The following XIRP2 variants were observed in gnomAD, a reference collection of about 807,000 sequenced individuals.
XIRP2 encodes the protein xin actin-binding repeat-containing protein 2.
Under a neutral mutation model 277.0 loss-of-function variants are expected in XIRP2, and 236 were observed. That is an observed-to-expected ratio of 0.85 (90% CI 0.77 to 0.95). XIRP2 has a LOEUF of 0.95. XIRP2 is among the 40% of genes least tolerant of loss of function. The pLI, the probability that XIRP2 is intolerant of heterozygous loss-of-function variation, is 0.00. For missense variants in XIRP2, 4,640 were observed against 4,157.5 expected (o/e 1.12, Z -3.19); for synonymous variants, 1,490 against 1,416.5 (o/e 1.05, Z -1.17).
chr2:166,940,097 A>AT (rs1294008167), intron 2 of XIRP2, among the ~76,000 whole-genome samples: 2 of 151,896 alleles, frequency 1.3e-5, no homozygotes, highest in East Asian at 1.9e-4. Flanking sequence ...TCAGACTTAG[A>AT]TTTTTTCTTT....
chr2:166,986,176 T>C (rs1333900523), intron 2 of XIRP2, among the ~76,000 whole-genome samples: 1 of 152,214 alleles, frequency 6.6e-6, no homozygotes, highest in Non-Finnish European at 1.5e-5. Flanking sequence ...TGGCACATTC[T>C]GGAATGGTTA....
intron 2 of XIRP2, among the ~76,000 whole-genome samples, chr2:166,966,208 T>A (rs1417993476): frequency 6.6e-6 from 1 of 151,832 alleles, no homozygotes; most frequent in East Asian, 1.9e-4. Context: ...AACACTTTTT[T>A]AAAAACTTAA....
chr2:167,072,468 C>T (rs1689460580), intron 2 of XIRP2, among the ~76,000 whole-genome samples: 1 of 152,170 alleles, frequency 6.6e-6, no homozygotes, highest in African/African-American at 2.4e-5. Context: ...GGTCAAACCC[C>T]TTGATCCGCT....
intron 3 of XIRP2, among the ~76,000 whole-genome samples, chr2:167,182,142 C>T (rs538258641): frequency 6.6e-6 from 1 of 152,190 alleles, no homozygotes; most frequent in South Asian, 2.1e-4. Context: ...AATTTAACTG[C>T]AATTCAATTA....
At chr2:166,972,635 A>T (rs1309684278) in intron 2 of XIRP2, among the ~76,000 whole-genome samples, 1 of 152,184 alleles carries the variant, frequency 6.6e-6, no homozygotes, top group African/African-American at 2.4e-5. Context: ...AGTAAAATGG[A>T]GGCTCTGGTA....
chr2:167,250,709 A>AT lies in XIRP2; in HGVS notation c.9318dup (p.Ser3107Ter). ...ACCCATCAGGAAATTAAACTTGATG[A>AT]TAGCAACATTCCTCCTCCCTCTTTA... On this transcript the variant is annotated frameshift_variant, in exon 9 of 11. Transcript: ENST00000409195. LOFTEE classifies it high-confidence loss of function. 1 of 1,613,666 alleles carries AT rather than the reference A, an allele frequency of 6.2e-7. No homozygotes were observed. The highest frequency in any genetic ancestry group is 8.5e-7 in the Non-Finnish European group (1 of 1,179,754).
intron 3 of XIRP2, among the ~76,000 whole-genome samples, chr2:167,175,646 C>T (rs1300524175): frequency 2.0e-5 from 3 of 152,154 alleles, no homozygotes; most frequent in Non-Finnish European, 4.4e-5. Context: ...AGTCATGTCC[C>T]TTAACAGAGC....
chr2:167,041,590 C>G (rs543116280), intron 2 of XIRP2, among the ~76,000 whole-genome samples: 2 of 152,012 alleles, frequency 1.3e-5, no homozygotes, highest in African/African-American at 2.4e-5. Context: ...GCTTAAAGAC[C>G]AGTCCTTTAA....
Position 167,020,913 on chromosome 2 carries a change from A to C in XIRP2, c.409-114996A>C, listed in dbSNP as rs149238666. On this transcript the variant is annotated intron_variant, in intron 2 of 10. Transcript: ENST00000409195. ...TCTTACTTATTTCAAAATATAATTT[A>C]TTAATTGTTAATTGAAATAATCTGC... Among the ~76,000 whole-genome samples, 32 of 152,190 alleles carry C rather than the reference A, an allele frequency of 2.1e-4. No homozygotes were observed. The East Asian group carries it at 6.2e-3, about 29-fold the overall frequency.
chr2:167,151,771 AG>A (rs146637869), intron 3 of XIRP2, among the ~76,000 whole-genome samples: 5,889 of 152,268 alleles, frequency 0.039, 123 homozygotes, highest in Non-Finnish European at 0.05. Flanking sequence ...GCAGACAATA[AG>A]TAGGTAAACC....
chr2:167,142,807 G>C (rs1033786102), intron 3 of XIRP2, among the ~76,000 whole-genome samples: 1 of 152,096 alleles, frequency 6.6e-6, no homozygotes, highest in Non-Finnish European at 1.5e-5. Flanking sequence ...ACAGGTATTG[G>C]TGATACAATC....
At chr2:167,172,077 A>G (rs1692710530) in intron 3 of XIRP2, among the ~76,000 whole-genome samples, 1 of 152,022 alleles carries the variant, frequency 6.6e-6, no homozygotes, top group African/African-American at 2.4e-5. Context: ...GTCCTTTTCT[A>G]TTTTCCCTAA....
intron 2 of XIRP2, among the ~76,000 whole-genome samples, chr2:167,000,978 TC>T (rs1404395541): frequency 6.6e-6 from 1 of 152,132 alleles, no homozygotes; most frequent in Non-Finnish European, 1.5e-5. Context: ...GACCAGGAGT[TC>T]GAGGTTATAG....
chr2:166,916,124 C>T (rs1441799774), intron 2 of XIRP2, among the ~76,000 whole-genome samples: 1 of 152,146 alleles, frequency 6.6e-6, no homozygotes, highest in African/African-American at 2.4e-5. Flanking sequence ...CTAATCAGAG[C>T]CTCTGGTTTT....
At chr2:167,106,930 A>G (rs1009495888) in intron 2 of XIRP2, among the ~76,000 whole-genome samples, 1 of 151,142 alleles carries the variant, frequency 6.6e-6, no homozygotes, top group Non-Finnish European at 1.5e-5. Context: ...AATAATAATA[A>G]ATGATATTGT....
chr2:167,127,365 A>G (rs1691238577), intron 2 of XIRP2, among the ~76,000 whole-genome samples: 1 of 152,194 alleles, frequency 6.6e-6, no homozygotes. Flanking sequence ...AAATCAGTAC[A>G]TTGTGACAAC....
In XIRP2 at chr2:166,903,725, G is replaced by A. The variant is rs1684444031; in HGVS notation, c.243G>A (p.Val81=). ...WSSKPEEKDS[V]DKSNNTREYG... is the part of the protein sequence containing the mutation. ...CGAAGCCGGAAGAGAAGGATTCTGT[G>A]GACAAGAGTAACAACACCAGGGAAT... is the stretch of plus-strand genomic sequence containing the variant. Residue 81 remains valine (V), a synonymous_variant, in exon 2 of 11, where the codon GTG becomes GTA. Transcript: ENST00000409195. 5.6e-6 allele frequency: 9 copies of A among 1,613,606 alleles called. No homozygotes were observed. In the East Asian group the frequency reaches 2.0e-4, roughly 36 times the overall value.
chr2:167,076,671 G>T (rs1204476995), intron 2 of XIRP2, among the ~76,000 whole-genome samples: 1 of 152,196 alleles, frequency 6.6e-6, no homozygotes, highest in Non-Finnish European at 1.5e-5. Flanking sequence ...TATGTGAATT[G>T]ATTGTATGTT....
Position 167,244,331 on chromosome 2 carries a change from A to G in XIRP2, c.2939A>G (p.Lys980Arg). ...ACAAGAGGTGCTGTAGAGTTAAATAAATCTCTCTTCGAGACAACACCACTG... is the reference window on the plus strand; with the variant it reads ...ACAAGAGGTGCTGTAGAGTTAAATAGATCTCTCTTCGAGACAACACCACTG... ...GVTRGAVELN[K>R]SLFETTPLYA... Residue 980 changes from lysine to arginine, a missense_variant, in exon 9 of 11, where the codon AAA (lysine) becomes AGA (arginine). Transcript: ENST00000409195. The G allele has an allele frequency of 6.2e-7, 1 of 1,613,746 alleles. No individual in the cohort carries two copies. Among genetic ancestry groups the G allele is most frequent in the Non-Finnish European group, 8.5e-7 (1 of 1,179,812 alleles).
Sources: allele counts gnomAD v4.1 joint callset (sites outside exome capture counted in the v4.1 genomes callset), GRCh38; gene constraint gnomAD v4.1.1; transcripts MANE v1.5; gene names NCBI Gene and HGNC (gene_info 2026-07-23, HGNC 2026-07-21).